The following TRAF1 variants were observed in gnomAD, a reference collection of about 807,000 sequenced individuals.
The protein encoded by TRAF1 is TNF receptor-associated factor 1.
A neutral mutation model predicts 40.9 loss-of-function variants in TRAF1; 23 were observed. The ratio of observed to expected loss-of-function variants is 0.56; its 90% CI spans 0.40 to 0.80. The LOEUF is 0.80. Ranked by LOEUF, TRAF1 falls within the 30% of genes least tolerant of loss-of-function variation. TRAF1 has a pLI of 0.00. For synonymous variants in TRAF1, 206 were observed against 218.8 expected, an observed-to-expected ratio of 0.94 and a Z score of 0.52; for missense variants, 477 against 528.7, an observed-to-expected ratio of 0.90 and a Z score of 0.96.
At chr9:120,921,722 T>C (rs7037195) in intron 3 of TRAF1, among the ~76,000 whole-genome samples, 78,307 of 151,988 alleles carry the variant, frequency 0.52, 20,918 homozygotes, top group South Asian at 0.7. Flanking sequence ...TCTTACTCTC[T>C]GAGGGCCTGC....
chr9:120,910,672 TA>T (rs2046519570), intron 6 of TRAF1, among the ~76,000 whole-genome samples: 1 of 152,228 alleles, frequency 6.6e-6, no homozygotes. Context: ...GTTAGGATTA[TA>T]GACATGAGCC....
chr9:120,913,406 C>T lies in TRAF1; in HGVS notation c.627G>A (p.Glu209=), dbSNP rs139512686. The change falls in exon 5 of 8, where the codon GAG becomes GAA. Residue 209 remains glutamate, a synonymous_variant. Transcript: ENST00000373887. ...NIVAVLNKEV[E]ASHLALATSI... is the part of the protein sequence containing the mutation. ...AGGTGGCCAGGGCCAGGTGGGAGGC[C>T]TCCACCTCCTTGTTGAGGACAGCAA... is the stretch of plus-strand genomic sequence containing the variant. 1 of 1,613,972 alleles carries T rather than the reference C, an allele frequency of 6.2e-7. No individual in the cohort carries two copies. The highest frequency in any genetic ancestry group is 8.5e-7 in the Non-Finnish European group (1 of 1,180,028).
At chr9:120,905,262 G>A (rs1564115966) in intron 7 of TRAF1, 24 bp from the exon 8 acceptor site, 2 of 1,582,864 alleles carry the variant, frequency 1.3e-6, no homozygotes, top group Non-Finnish European at 1.7e-6. Flanking sequence ...ATAGGTGGGA[G>A]ATCAGGCCCT....
chr9:120,902,396 A>C lies in TRAF1; in HGVS notation c.*2624T>G, dbSNP rs1450745988. On this transcript the variant is annotated 3_prime_UTR_variant, in exon 8 of 8. Transcript: ENST00000373887. ...AGATGCAATGTCACATCTTTGATGC[A>C]CTTAACATAGAGCTTTGTTGGAAAA... 2 of 151,774 alleles carry C rather than the reference A, an allele frequency of 1.3e-5. No individual in the cohort carries two copies. The highest frequency in any genetic ancestry group is 1.9e-4 in the East Asian group (1 of 5,156). The allele number at this position is 151,774 out of a possible 1,614,324, so 9.4% of individuals were successfully genotyped here.
At chr9:120,923,369 C>T (rs1047523648) in intron 3 of TRAF1, among the ~76,000 whole-genome samples, 1 of 152,148 alleles carries the variant, frequency 6.6e-6, no homozygotes, top group African/African-American at 2.4e-5. Flanking sequence ...TTATGCATGG[C>T]CTATCATTCT....
rs145508497 is a variant in TRAF1 at position 120,911,355 on chromosome 9, G to A, written c.864C>T (p.Thr288=). ...RRCHESACGR[T]VSLFSPAFYT... The stretch of plus-strand genomic sequence containing the variant: ...TGTTACCTGGGGAGAAGAGGCTGAC[G>A]GTCCTGCCACAGGCCGACTCATGGC... Residue 288 remains threonine (T), a synonymous_variant, in exon 6 of 8, where the codon ACC becomes ACT. Coordinates refer to ENST00000373887, the MANE Select transcript of TRAF1 (RefSeq NM_005658.5). 10 of 1,613,204 alleles carry A rather than the reference G, an allele frequency of 6.2e-6. No homozygotes were observed. In the Admixed American group the frequency reaches 6.7e-5, roughly 11 times the overall value.
chr9:120,928,341 G>C (rs1395353531), upstream of TRAF1: 1 of 152,208 alleles, frequency 6.6e-6, no homozygotes, highest in African/African-American at 2.4e-5. Context: ...GTCTATACAG[G>C]CACTTGGATC....
At chr9:120,925,876 A>G (rs1399494122) in intron 2 of TRAF1, 60 bp downstream of exon 2, 3 of 1,609,400 alleles carry the variant, frequency 1.9e-6, no homozygotes, top group South Asian at 1.1e-5. Context: ...CTCACCTCCC[A>G]TCAGGGGTCC....
At chr9:120,928,514 G>C (rs1192778587), upstream of TRAF1, 1 of 152,454 alleles carries the variant, frequency 6.6e-6, no homozygotes, top group East Asian at 1.9e-4. Context: ...CATCCTCTGC[G>C]GGGAATTCCC....
In TRAF1 at chr9:120,913,493, G is replaced by A; in HGVS notation, c.540C>T (p.His180=). Residue 180 remains histidine (H), a synonymous_variant, in exon 5 of 8, where the codon CAC becomes CAT. Transcript: ENST00000373887. ...SESQEELALQ[H]FMKEKLLAEL... ...CAGCCAGAAGCTTCTCCTTCATGAA[G>A]TGCTGCAGGGCCAGCTCCTCCTGGC... 1 of 1,614,026 alleles carries A rather than the reference G, an allele frequency of 6.2e-7. No homozygotes were observed. Among genetic ancestry groups the A allele is most frequent in the Non-Finnish European group, 8.5e-7 (1 of 1,180,002 alleles).
intron 6 of TRAF1, among the ~76,000 whole-genome samples, chr9:120,910,911 T>C (rs2046521385): frequency 6.6e-6 from 1 of 152,228 alleles, no homozygotes; most frequent in Admixed American, 6.5e-5. Context: ...CTAATCTTAT[T>C]TCAGACTGTC....
At position 120,905,116 on chromosome 9, in the gene TRAF1, T is replaced by C. The variant is rs756049894; in HGVS notation, c.1155A>G (p.Pro385=). ...QSETNVASGC[P]LFFPLSKLQS... is the part of the protein sequence containing the mutation. ...GCAGTTTGCTGAGGGGGAAGAAGAG[T>C]GGGCATCCACTGGCCACGTTGGTTT... Residue 385 remains proline (P), a synonymous_variant, in exon 8 of 8, where the codon CCA becomes CCG. Coordinates refer to ENST00000373887, the MANE Select transcript of TRAF1 (RefSeq NM_005658.5). 3 of 1,613,902 alleles carry C rather than the reference T, an allele frequency of 1.9e-6. No individual in the cohort carries two copies. The highest frequency in any genetic ancestry group is 1.1e-5 in the South Asian group (1 of 91,072).
intron 7 of TRAF1, among the ~76,000 whole-genome samples, chr9:120,907,100 G>A (rs927818207): frequency 5.3e-5 from 8 of 152,128 alleles, no homozygotes; most frequent in East Asian, 1.9e-4. Context: ...GGGCTCAAGC[G>A]CTCCACCTGC....
intron 7 of TRAF1, among the ~76,000 whole-genome samples, chr9:120,907,318 A>C (rs1443810479): frequency 6.6e-6 from 1 of 152,220 alleles, no homozygotes; most frequent in Non-Finnish European, 1.5e-5. Context: ...GCACTGAATA[A>C]TATTCCACTG....
intron 4 of TRAF1, among the ~76,000 whole-genome samples, 162 bp downstream of exon 4, chr9:120,914,073 G>A (rs1289884955): frequency 1.3e-5 from 2 of 152,186 alleles, no homozygotes; most frequent in Non-Finnish European, 2.9e-5. Flanking sequence ...GTACTGTGAT[G>A]ACTTAATAGT....
chr9:120,908,807 G>A (rs961748060), intron 7 of TRAF1, among the ~76,000 whole-genome samples: 4 of 152,020 alleles, frequency 2.6e-5, no homozygotes, highest in South Asian at 2.1e-4. Context: ...TGATCCGCCC[G>A]CCTCGGCCTC....
At chr9:120,919,106 A>G (rs900873546) in intron 3 of TRAF1, among the ~76,000 whole-genome samples, 8 of 152,154 alleles carry the variant, frequency 5.3e-5, no homozygotes, top group African/African-American at 1.4e-4. Context: ...GGGACAGGAG[A>G]GGGAATCAGG....
rs1204079992 is a variant in TRAF1 at position 120,904,306 on chromosome 9, C to T, written c.*714G>A. 1 of 152,404 alleles carries T rather than the reference C, an allele frequency of 6.6e-6. No homozygotes were observed. Among genetic ancestry groups the T allele is most frequent in the East Asian group, 1.9e-4 (1 of 5,182 alleles). 9.4% of individuals were successfully genotyped at this position (152,404 alleles called of 1,614,324 possible). A position where few individuals can be genotyped will look rare whatever the true frequency, so the allele number is the denominator to read the frequency against. On this transcript the variant is annotated 3_prime_UTR_variant, in exon 8 of 8. Coordinates refer to ENST00000373887, the MANE Select transcript of TRAF1 (RefSeq NM_005658.5). ...CCCAGGGTGGCAGGTGCCCTGTGGA[C>T]CAGGTCAGTCCAGTGGGGGTTACTG... is the stretch of plus-strand genomic sequence containing the variant.
chr9:120,920,419 C>T (rs1170810141), intron 3 of TRAF1, among the ~76,000 whole-genome samples: 1 of 151,730 alleles, frequency 6.6e-6, no homozygotes, highest in South Asian at 2.1e-4. Context: ...GACTAGACAG[C>T]TTAAACCCTT....
Sources: gnomAD v4.1 joint callset for allele counts (sites outside exome capture counted in the v4.1 genomes callset) on GRCh38, gnomAD v4.1.1 for gene constraint, MANE v1.5 for transcripts, NCBI Gene and HGNC (gene_info 2026-07-23, HGNC 2026-07-21) for gene names.